Variants in PCID2 observed in about 807,000 individuals in gnomAD.
PCID2 encodes the protein PCI domain containing 2.
A neutral mutation model predicts 61.3 loss-of-function variants in PCID2; 41 were observed. That is an observed-to-expected ratio of 0.67 (90% CI 0.52 to 0.87). The LOEUF (loss-of-function observed/expected upper bound fraction) is 0.87. Ranked by LOEUF, PCID2 falls within the 40% of genes least tolerant of loss-of-function variation. The pLI, the probability that PCID2 is intolerant of heterozygous loss-of-function variation, is 0.00. For missense variants in PCID2, 392 were observed against 493.4 expected, an observed-to-expected ratio of 0.79 and a Z score of 1.95; for synonymous variants, 187 against 177.8, an observed-to-expected ratio of 1.05 and a Z score of -0.41.
Position 113,208,643 on chromosome 13 carries a change from C to G in PCID2, c.-9G>C, listed in dbSNP as rs773899060. 1.9e-6 allele frequency: 3 copies of G among 1,605,692 alleles called. No individual in the cohort carries two copies. The highest frequency in any genetic ancestry group is 3.4e-5 in the Admixed American group (2 of 59,390). ...ATGGTAATGTGCGCCATGGGAGCGC[C>G]GCCGAACGGAGAGCGCCACCCCCTA... On this transcript the variant is annotated 5_prime_UTR_variant, in exon 1 of 14. Transcript: ENST00000337344.
chr13:113,201,205 C>T (rs978443390), intron 1 of PCID2, among the ~76,000 whole-genome samples: 9 of 151,972 alleles, frequency 5.9e-5, no homozygotes, highest in Non-Finnish European at 1.0e-4. Flanking sequence ...ATGCGATACT[C>T]GGCTGCTGTT....
At chr13:113,171,729 C>A in the PCID2 span, 5 of 1,612,004 alleles carry the variant, frequency 3.1e-6, no homozygotes, top group Admixed American at 6.7e-5. The surrounding 1 kb of genome is among the most constrained non-coding windows in gnomAD (Gnocchi z 5.1). Context: ...TGCCCAGGTG[C>A]GGGGCTCCCC....
chr13:113,177,230 C>T (rs1013234998), downstream of PCID2, among the ~76,000 whole-genome samples: 2 of 152,144 alleles, frequency 1.3e-5, no homozygotes, highest in Non-Finnish European at 2.9e-5. Flanking sequence ...CTTTGCCTCC[C>T]GGGTTCAAGC....
intron 9 of PCID2, 38 bp downstream of exon 9, chr13:113,184,305 GTCT>G: frequency 6.5e-7 from 1 of 1,549,162 alleles, no homozygotes; most frequent in South Asian, 1.1e-5. Context: ...AGAATGCAAT[GTCT>G]TATTTAAAAT....
chr13:113,171,927 A>G, the PCID2 span: 2 of 1,613,716 alleles, frequency 1.2e-6, no homozygotes, highest in Non-Finnish European at 1.7e-6. This position sits in a 1 kb window ranked among gnomAD's most constrained non-coding sequence, Gnocchi z 5.1. Context: ...ACCTACTGTG[A>G]GAGAAGCAGC....
intron 1 of PCID2, among the ~76,000 whole-genome samples, chr13:113,205,192 T>C (rs1018832957): frequency 3.9e-5 from 6 of 152,180 alleles, no homozygotes; most frequent in Non-Finnish European, 7.4e-5. Context: ...GAGTAAAGTA[T>C]CTAACTCAAA....
intron 1 of PCID2, among the ~76,000 whole-genome samples, chr13:113,201,849 T>C (rs577301829): frequency 6.7e-6 from 1 of 149,140 alleles, no homozygotes; most frequent in Non-Finnish European, 1.5e-5. Context: ...ATAAAAATTC[T>C]AACTAAGAAA....
downstream of PCID2, among the ~76,000 whole-genome samples, chr13:113,173,186 G>T (rs1203527903): frequency 1.3e-5 from 2 of 152,164 alleles, no homozygotes; most frequent in African/African-American, 4.8e-5. Flanking sequence ...CCAGTCCATG[G>T]TATTTTGTAG....
chr13:113,201,461 C>T (rs1038553328), intron 1 of PCID2, among the ~76,000 whole-genome samples: 3 of 152,048 alleles, frequency 2.0e-5, no homozygotes, highest in African/African-American at 4.8e-5. Flanking sequence ...CCCTATCTAG[C>T]GCCTGCCACA....
chr13:113,179,050 A>C lies in PCID2; in HGVS notation c.1026T>G (p.Ala342=), dbSNP rs768557608. 36 of 1,613,814 alleles carry C rather than the reference A, an allele frequency of 2.2e-5. No individual in the cohort carries two copies. Among genetic ancestry groups the C allele is most frequent in the Non-Finnish European group, 3.0e-5 (35 of 1,179,856 alleles). The change falls in exon 13 of 14, where the codon GCT becomes GCG. Residue 342 remains alanine (A), a synonymous_variant. Transcript: ENST00000337344. This position sits in a 1 kb window ranked among gnomAD's most constrained non-coding sequence, Gnocchi z 4.3. The part of the protein sequence containing the change: ...LLKTHQLSLD[A]FLVALKFMQV... Reference sequence around the variant, plus strand: ...GCATGAACTTCAAGGCAACCAGAAAAGCATCCAGAGACAGCTGGTGTGTTT... The same window carrying C: ...GCATGAACTTCAAGGCAACCAGAAACGCATCCAGAGACAGCTGGTGTGTTT...
At chr13:113,171,952 C>A in the PCID2 span, 3 of 1,613,646 alleles carry the variant, frequency 1.9e-6, no homozygotes, top group Non-Finnish European at 2.5e-6. This position sits in a 1 kb window ranked among gnomAD's most constrained non-coding sequence, Gnocchi z 5.1. Context: ...CGGCCATGCA[C>A]TGGATGGATG....
At chr13:113,183,819 G>T (rs999593660) in intron 9 of PCID2, 3 of 984,504 alleles carry the variant, frequency 3.0e-6, no homozygotes, top group Non-Finnish European at 3.6e-6. Context: ...GTCAGGTGTG[G>T]CAGCGACACG....
Position 113,197,216 on chromosome 13 carries a change from G to A in PCID2, c.228C>T (p.Asp76=). ...LRCTYAVGNH[D]FIEAYKCQTV... is the part of the protein sequence containing the mutation. ...TCTGGCACTTGTATGCCTCTATGAA[G>A]TCATGATTCCCCACTGCATAAGTGC... Residue 76 remains aspartate (D), a synonymous_variant, in exon 4 of 14, where the codon GAC becomes GAT. Coordinates refer to ENST00000337344, the MANE Select transcript of PCID2 (RefSeq NM_001127202.4). The A allele has an allele frequency of 4.3e-6, 7 of 1,613,782 alleles. No homozygotes were observed. Among genetic ancestry groups the A allele is most frequent in the Non-Finnish European group, 5.9e-6 (7 of 1,179,668 alleles).
At position 113,179,646 on chromosome 13, in the gene PCID2, G is replaced by A. The variant is rs1017622715; in HGVS notation, c.986+271C>T. ...GTGCTCTGATGAAATGTGGTACCGC[G>A]GCTCTCAGGGCTGATGTTCTCAAGT... is the stretch of plus-strand genomic sequence containing the variant. On this transcript the variant is annotated intron_variant, in intron 12 of 13. Coordinates refer to ENST00000337344, the MANE Select transcript of PCID2 (RefSeq NM_001127202.4). The surrounding 1 kb of genome is among the most constrained non-coding windows in gnomAD (Gnocchi z 4.3). Among the ~76,000 whole-genome samples the A allele has an allele frequency of 2.6e-5, 4 of 152,124 alleles. No homozygotes were observed. The highest frequency in any genetic ancestry group is 2.1e-4 in the South Asian group (1 of 4,826).
At chr13:113,180,083 TCA>T (rs1595150447) in intron 11 of PCID2, 41 bp from the exon 12 acceptor site, 1 of 1,613,650 alleles carries the variant, frequency 6.2e-7, no homozygotes, top group East Asian at 2.2e-5. Context: ...GGTGAGTTTC[TCA>T]CAGAGCGTGC....
intron 4 of PCID2, 125 bp from the exon 5 acceptor site, chr13:113,196,347 T>G: frequency 1.5e-6 from 1 of 670,344 alleles, no homozygotes; most frequent in Non-Finnish European, 2.5e-6. Flanking sequence ...GTTGCAACAA[T>G]AGTAAGTTCT....
downstream of PCID2, among the ~76,000 whole-genome samples, chr13:113,172,579 A>C (rs1371628673): frequency 6.6e-6 from 1 of 152,192 alleles, no homozygotes; most frequent in Non-Finnish European, 1.5e-5. Context: ...CTCAGTGCAG[A>C]AGCAGCCACT....
Position 113,208,651 on chromosome 13 carries a change from GGA to G in PCID2, c.-19_-18del. 1 of 1,604,764 alleles carries G rather than the reference GGA, an allele frequency of 6.2e-7. No homozygotes were observed. The highest frequency in any genetic ancestry group is 8.5e-7 in the Non-Finnish European group (1 of 1,176,430). ...GTGCGCCATGGGAGCGCCGCCGAAC[GGA>G]GAGCGCCACCCCCTACGCCTCAAGC... is the stretch of plus-strand genomic sequence containing the variant. On this transcript the variant is annotated 5_prime_UTR_variant, in exon 1 of 14. Coordinates refer to ENST00000337344, the MANE Select transcript of PCID2 (RefSeq NM_001127202.4).
chr13:113,185,795 T>A (rs1664618049), intron 7 of PCID2: 2 of 409,904 alleles, frequency 4.9e-6, no homozygotes, highest in Admixed American at 7.9e-5. Flanking sequence ...AAATCCCAAT[T>A]AACTACTTGA....
Sources: allele counts gnomAD v4.1 joint callset (sites outside exome capture counted in the v4.1 genomes callset), GRCh38; gene constraint gnomAD v4.1.1; non-coding constraint Gnocchi (gnomAD v3.1); transcripts MANE v1.5; gene names NCBI Gene and HGNC (gene_info 2026-07-23, HGNC 2026-07-21).